Variants in MMP16 observed in about 807,000 individuals in gnomAD.
The protein encoded by MMP16 is matrix metalloproteinase-16.
Under a neutral mutation model 67.8 loss-of-function variants are expected in MMP16, and 12 were observed. That is an observed-to-expected ratio of 0.18 (90% confidence interval 0.11 to 0.29). MMP16 has a LOEUF of 0.29. Among genes scored for constraint, MMP16 ranks in the 10% least tolerant of loss-of-function variants. The pLI, the probability that MMP16 is intolerant of heterozygous loss-of-function variation, is 1.00. For missense variants in MMP16, 475 were observed against 765.7 expected (o/e 0.62, Z 4.48); for synonymous variants, 249 against 255.9 (o/e 0.97, Z 0.26).
At chr8:88,252,952 G>C (rs1388446220) in intron 1 of MMP16, among the ~76,000 whole-genome samples, 1 of 152,112 alleles carries the variant, frequency 6.6e-6, no homozygotes, top group African/African-American at 2.4e-5. Context: ...ATCAATAAAT[G>C]TGCAATTCTC....
At chr8:88,135,374 G>A (rs931736600) in intron 4 of MMP16, among the ~76,000 whole-genome samples, 1 of 151,794 alleles carries the variant, frequency 6.6e-6, no homozygotes, top group Non-Finnish European at 1.5e-5. Flanking sequence ...CCCAGTTTAA[G>A]TCTATAATAG....
At chr8:88,116,412 G>C (rs1586159426) in intron 6 of MMP16, 95 bp downstream of exon 6, 2 of 1,058,828 alleles carry the variant, frequency 1.9e-6, no homozygotes, top group East Asian at 2.5e-5. Flanking sequence ...TGAGAGGGCT[G>C]GGAAGGTAGT....
chr8:88,325,898 T>C (rs1022073681), intron 1 of MMP16, among the ~76,000 whole-genome samples: 6 of 152,218 alleles, frequency 3.9e-5, no homozygotes, highest in Non-Finnish European at 7.3e-5. Flanking sequence ...ATTCAGAATA[T>C]GCCTTTACAC....
At chr8:88,079,278 A>C (rs1489874274) in intron 6 of MMP16, among the ~76,000 whole-genome samples, 1 of 152,166 alleles carries the variant, frequency 6.6e-6, no homozygotes, top group East Asian at 1.9e-4. Flanking sequence ...AAAATAGATA[A>C]GTCCAGCATA....
Position 88,110,222 on chromosome 8 carries a change from T to G in MMP16, c.1083+6285A>C, listed in dbSNP as rs182502930. Among the ~76,000 whole-genome samples, 240 of 151,538 alleles carry G rather than the reference T, an allele frequency of 1.6e-3. 1 individual carries two copies. Among genetic ancestry groups the G allele is most frequent in the African/African-American group, 5.2e-3 (216 of 41,488 alleles). On this transcript the variant is annotated intron_variant, in intron 6 of 9. Transcript: ENST00000286614. ...GAAGAAAATTGGAAACTCAGGTAAC[T>G]GAGTCCATTCTTACTGACTAATACT...
chr8:88,138,256 G>A (rs942411551), intron 4 of MMP16, among the ~76,000 whole-genome samples: 2 of 151,838 alleles, frequency 1.3e-5, no homozygotes, highest in Non-Finnish European at 2.9e-5. Context: ...GTGTCCTATT[G>A]GAGACTGAGG....
intron 1 of MMP16, among the ~76,000 whole-genome samples, chr8:88,278,179 C>A (rs1027785717): frequency 6.6e-6 from 1 of 152,146 alleles, no homozygotes; most frequent in African/African-American, 2.4e-5. Flanking sequence ...AGCTGAAATC[C>A]TGAAACCTGT....
At position 88,159,800 on chromosome 8, in the gene MMP16, C is replaced by T. The variant is rs139021776; in HGVS notation, c.709+7869G>A. Among the ~76,000 whole-genome samples the T allele has an allele frequency of 1.3e-3, 191 of 152,024 alleles. 1 individual carries two copies. The highest frequency in any genetic ancestry group is 3.9e-3 in the African/African-American group (161 of 41,508). On this transcript the variant is annotated intron_variant, in intron 4 of 9. Transcript: ENST00000286614. ...AAAAAGCTCTTATTATTTTGAGATA[C>T]GTCCCATCAATACCTAATTTTTTGA...
intron 1 of MMP16, among the ~76,000 whole-genome samples, chr8:88,206,733 G>A (rs1809433522): frequency 6.6e-6 from 1 of 152,124 alleles, no homozygotes; most frequent in Admixed American, 6.6e-5. Flanking sequence ...GATGGTTTTT[G>A]TGACCAGAAA....
intron 7 of MMP16, 26 bp downstream of exon 7, chr8:88,074,579 T>C: frequency 5.6e-6 from 9 of 1,609,764 alleles, no homozygotes; most frequent in Non-Finnish European, 7.6e-6. Context: ...AAATACAACA[T>C]AGCCAGATAT....
rs887396227 is a variant in MMP16 at position 88,036,349 on chromosome 8, G to C, written c.*5112C>G. 4 of 151,742 alleles carry C rather than the reference G, an allele frequency of 2.6e-5. No individual in the cohort carries two copies. Among genetic ancestry groups the C allele is most frequent in the Middle Eastern group, 3.2e-3 (1 of 316 alleles). The allele number at this position is 151,742 out of a possible 1,614,324, so 9.4% of individuals were successfully genotyped here. A position where few individuals can be genotyped will look rare whatever the true frequency, so the allele number is the denominator to read the frequency against. On this transcript the variant is annotated 3_prime_UTR_variant, in exon 10 of 10. Transcript: ENST00000286614. ...AAATTTCCAGTTGTATTATCAAGGA[G>C]TGTTATAGTTTGTCTTTATATTTAA...
intron 7 of MMP16, among the ~76,000 whole-genome samples, chr8:88,070,445 G>A (rs1196429024): frequency 2.0e-5 from 3 of 152,226 alleles, no homozygotes; most frequent in African/African-American, 4.8e-5. Context: ...CTCCGTGAGT[G>A]TCAGGCACTG....
intron 1 of MMP16, among the ~76,000 whole-genome samples, chr8:88,272,386 T>A (rs1393697762): frequency 2.0e-5 from 3 of 152,194 alleles, no homozygotes; most frequent in Non-Finnish European, 4.4e-5. Flanking sequence ...CTTGAACATA[T>A]GTGCTATAAC....
intron 1 of MMP16, among the ~76,000 whole-genome samples, chr8:88,247,334 T>C (rs963241144): frequency 6.6e-6 from 1 of 152,164 alleles, no homozygotes; most frequent in Admixed American, 6.6e-5. Flanking sequence ...TATCTTGTCC[T>C]TTTGAGAATT....
chr8:88,114,436 C>T (rs978497973), intron 6 of MMP16, among the ~76,000 whole-genome samples: 2 of 151,848 alleles, frequency 1.3e-5, no homozygotes, highest in African/African-American at 4.8e-5. Flanking sequence ...ATTACTTTTA[C>T]TCTTACGTAT....
intron 6 of MMP16, among the ~76,000 whole-genome samples, chr8:88,077,205 C>T (rs1172511051): frequency 1.3e-5 from 2 of 152,190 alleles, no homozygotes; most frequent in Admixed American, 1.3e-4. Flanking sequence ...CTCTATTCAA[C>T]TTATCCTCAG....
At position 88,144,240 on chromosome 8, in the gene MMP16, G is replaced by A. The variant is rs552143225; in HGVS notation, c.709+23429C>T. On this transcript the variant is annotated intron_variant, in intron 4 of 9. Transcript: ENST00000286614. ...AAACATACCAGAGCTAAATGATGCC[G>A]TTTTCTTGATCTAATATTCTATCCA... 3.3e-5 allele frequency among the ~76,000 whole-genome samples: 5 copies of A among 151,930 alleles called. No homozygotes were observed. The South Asian group carries it at 6.2e-4, about 19-fold the overall frequency.
intron 6 of MMP16, among the ~76,000 whole-genome samples, chr8:88,094,990 A>G (rs1193860811): frequency 1.3e-5 from 2 of 151,822 alleles, no homozygotes; most frequent in East Asian, 3.9e-4. Context: ...AGTAGTTTCC[A>G]TATTATTAAT....
chr8:88,204,093 A>G (rs1440043813), intron 1 of MMP16, among the ~76,000 whole-genome samples: 2 of 152,238 alleles, frequency 1.3e-5, no homozygotes, highest in African/African-American at 4.8e-5. Flanking sequence ...AACTGTCATA[A>G]TTCCCTACTT....
Sources: allele counts gnomAD v4.1 joint callset (sites outside exome capture counted in the v4.1 genomes callset), GRCh38; gene constraint gnomAD v4.1.1; transcripts MANE v1.5; gene names NCBI Gene and HGNC (gene_info 2026-07-23, HGNC 2026-07-21).